The following LYZ variants were observed in gnomAD, a reference collection of about 807,000 sequenced individuals.
LYZ encodes lysozyme.
A neutral mutation model predicts 15.8 loss-of-function variants in LYZ; 18 were observed. The observed-to-expected ratio is 1.14, with a 90% CI of 0.79 to 1.69. The LOEUF is 1.69. Among genes scored for constraint, LYZ ranks in the 40% most tolerant of loss-of-function variants. LYZ has a pLI of 0.00. For missense variants in LYZ, 139 were observed against 182.8 expected (o/e 0.76, Z 1.38); for synonymous variants, 60 against 61.7 (o/e 0.97, Z 0.13).
chr12:69,350,029 A>G (rs767927779), intron 1 of LYZ, 79 bp from the exon 2 acceptor site: 43 of 1,131,350 alleles, frequency 3.8e-5, no homozygotes, highest in Non-Finnish European at 5.8e-5. Context: ...AAATAGAAGT[A>G]GCTAAGTAGA....
At chr12:69,352,350 T>C (rs1874860430) in intron 3 of LYZ, 52 bp downstream of exon 3, 2 of 1,433,342 alleles carry the variant, frequency 1.4e-6, no homozygotes, top group Non-Finnish European at 9.8e-7. Flanking sequence ...TGTTGATATA[T>C]ACAATGAGAG....
At chr12:69,353,102 C>A in intron 3 of LYZ, 51 bp from the exon 4 acceptor site, 1 of 1,267,642 alleles carries the variant, frequency 7.9e-7, no homozygotes, top group Non-Finnish European at 1.2e-6. Context: ...ATGTATATTA[C>A]AATGAAGATA....
At chr12:69,350,737 CTTTTTTTTTTTTTTTTTTTT>C (rs60163961) in intron 2 of LYZ, among the ~76,000 whole-genome samples, 1 of 26,046 alleles carries the variant, frequency 3.8e-5, no homozygotes, top group East Asian at 1.9e-3. Flanking sequence ...TCTTCTATGC[CTTTTTTTTTTTTTTTTTTTT>C]TTTTTTTTTT....
chr12:69,348,630 G>A, intron 1 of LYZ, 86 bp downstream of exon 1: 1 of 1,477,884 alleles, frequency 6.8e-7, no homozygotes, highest in Non-Finnish European at 9.4e-7. Flanking sequence ...GGGGCTTTGA[G>A]TGAATAGATG....
intron 1 of LYZ, among the ~76,000 whole-genome samples, chr12:69,349,306 A>G (rs1592839730): frequency 6.6e-6 from 1 of 152,150 alleles, no homozygotes; most frequent in East Asian, 1.9e-4. Flanking sequence ...CCCAGCCGAC[A>G]TGGGATTTTT....
intron 3 of LYZ, 67 bp from the exon 4 acceptor site, chr12:69,353,086 C>A: frequency 1.9e-6 from 2 of 1,078,718 alleles, no homozygotes; most frequent in Non-Finnish European, 2.9e-6. Flanking sequence ...CCAAGGAGTG[C>A]GAAGTATGTA....
chr12:69,350,226 T>C lies in LYZ; in HGVS notation c.255T>C (p.Asp85=). ...FQINSRYWCN[D]GKTPGAVNAC... Reference sequence around the variant, plus strand: ...TCAATAGCCGCTACTGGTGTAATGATGGCAAAACCCCAGGAGCAGTTAATG... The same window carrying C: ...TCAATAGCCGCTACTGGTGTAATGACGGCAAAACCCCAGGAGCAGTTAATG... The change falls in exon 2 of 4, where the codon GAT becomes GAC. Residue 85 remains aspartate (D), a synonymous_variant. Transcript: ENST00000261267. The C allele has an allele frequency of 6.2e-7, 1 of 1,614,152 alleles. No individual in the cohort carries two copies. Among genetic ancestry groups the C allele is most frequent in the Non-Finnish European group, 8.5e-7 (1 of 1,180,008 alleles).
chr12:69,351,573 C>T (rs1415768428), intron 2 of LYZ, among the ~76,000 whole-genome samples: 1 of 152,030 alleles, frequency 6.6e-6, no homozygotes. Flanking sequence ...CACATACAAA[C>T]ATGTAAATAC....
At chr12:69,351,253 C>T (rs1874838548) in intron 2 of LYZ, among the ~76,000 whole-genome samples, 1 of 151,676 alleles carries the variant, frequency 6.6e-6, no homozygotes, top group South Asian at 2.1e-4. Context: ...ATAGAAATAC[C>T]ATGTGGAATC....
intron 2 of LYZ, 43 bp downstream of exon 2, chr12:69,350,315 G>T: frequency 6.2e-7 from 1 of 1,602,674 alleles, no homozygotes; most frequent in South Asian, 1.1e-5. Context: ...ATACTTACAA[G>T]AATTGAGACT....
intron 1 of LYZ, 87 bp downstream of exon 1, chr12:69,348,631 T>C: frequency 2.7e-6 from 4 of 1,477,730 alleles, no homozygotes; most frequent in South Asian, 2.3e-5. Flanking sequence ...GGGCTTTGAG[T>C]GAATAGATGT....
intron 2 of LYZ, 32 bp from the exon 3 acceptor site, chr12:69,352,187 TA>T: frequency 3.3e-6 from 5 of 1,493,766 alleles, no homozygotes; most frequent in Non-Finnish European, 4.7e-6. Context: ...AAATATCTAT[TA>T]AAGTTTTTAT....
intron 2 of LYZ, among the ~76,000 whole-genome samples, chr12:69,350,712 T>G (rs1184686379): frequency 6.6e-6 from 1 of 150,432 alleles, no homozygotes; most frequent in East Asian, 1.9e-4. Context: ...TTGTTAACAT[T>G]TTGCCATAGT....
At chr12:69,348,688 G>C in intron 1 of LYZ, 144 bp downstream of exon 1, 1 of 1,055,342 alleles carries the variant, frequency 9.5e-7, no homozygotes, top group Non-Finnish European at 1.4e-6. Context: ...AAAAACATCA[G>C]TTTGGTTCTT....
At chr12:69,351,086 T>C (rs1874835614) in intron 2 of LYZ, among the ~76,000 whole-genome samples, 1 of 152,160 alleles carries the variant, frequency 6.6e-6, no homozygotes. Context: ...TGAGAGACTT[T>C]TAAGTGAATT....
In LYZ at chr12:69,354,059, AGTGT is replaced by A. The variant is rs1874910669; in HGVS notation, c.*843_*846del. 1 of 152,218 alleles carries A rather than the reference AGTGT, an allele frequency of 6.6e-6. No individual in the cohort carries two copies. The highest frequency in any genetic ancestry group is 6.5e-5 in the Admixed American group (1 of 15,284). 9.4% of individuals were successfully genotyped at this position (152,218 alleles called of 1,614,324 possible). On this transcript the variant is annotated 3_prime_UTR_variant, in exon 4 of 4. Coordinates refer to ENST00000261267, the MANE Select transcript of LYZ (RefSeq NM_000239.3). ...TGAATTGAGAATTTTGATTTCTTAA[AGTGT>A]GTTTCTTTCTAAATTGCTGTTCCTT...
chr12:69,349,996 TATAC>T, intron 1 of LYZ, 108 bp from the exon 2 acceptor site: 1 of 871,918 alleles, frequency 1.1e-6, no homozygotes, highest in African/African-American at 1.7e-5. Flanking sequence ...AGTAAATCTT[TATAC>T]TTATAAAACA....
intron 1 of LYZ, among the ~76,000 whole-genome samples, 175 bp from the exon 2 acceptor site, chr12:69,349,933 G>T (rs1424590939): frequency 6.6e-6 from 1 of 152,038 alleles, no homozygotes; most frequent in East Asian, 1.9e-4. Context: ...CATTACAAAA[G>T]GATTCTCTTA....
rs762377090 is a variant in LYZ at position 69,353,550 on chromosome 12, G to A, written c.*331G>A. 3.6e-5 allele frequency: 11 copies of A among 301,588 alleles called. No homozygotes were observed. Among genetic ancestry groups the A allele is most frequent in the Non-Finnish European group, 6.2e-5 (10 of 160,156 alleles). 18.7% of individuals were successfully genotyped at this position (301,588 alleles called of 1,614,324 possible). A position where few individuals can be genotyped will look rare whatever the true frequency, so the allele number is the denominator to read the frequency against. ...GTCGCCCAGGCTGGAGTGCAGTGGC[G>A]CAATCTCGGCTCACTGCAACCTCCA... On this transcript the variant is annotated 3_prime_UTR_variant, in exon 4 of 4. Transcript: ENST00000261267.
Sources: gnomAD v4.1 joint callset for allele counts (sites outside exome capture counted in the v4.1 genomes callset) on GRCh38, gnomAD v4.1.1 for gene constraint, MANE v1.5 for transcripts, NCBI Gene and HGNC (gene_info 2026-07-23, HGNC 2026-07-21) for gene names.